Variants in RARB observed in about 807,000 individuals in gnomAD.
The protein encoded by RARB is HBV-activated protein.
A neutral mutation model predicts 51.9 loss-of-function variants in RARB; 17 were observed. The observed-to-expected ratio is 0.33, with a 90% CI of 0.22 to 0.49. RARB has a LOEUF of 0.49. Ranked by LOEUF, RARB falls within the 20% of genes least tolerant of loss-of-function variation. The pLI is 0.99. For missense variants in RARB, 369 were observed against 550.8 expected (o/e 0.67, Z 3.30); for synonymous variants, 215 against 195.4 (o/e 1.10, Z -0.84).
At chr3:25,188,240 C>CA (rs1330617847) in intron 5 of RARB, among the ~76,000 whole-genome samples, 3 of 152,062 alleles carry the variant, frequency 2.0e-5, no homozygotes, top group Non-Finnish European at 2.9e-5. Flanking sequence ...GGGACCATGA[C>CA]ATCTTGCTCA....
chr3:25,278,804 A>G (rs1003898051), intron 5 of RARB, among the ~76,000 whole-genome samples: 1 of 152,230 alleles, frequency 6.6e-6, no homozygotes, highest in Non-Finnish European at 1.5e-5. Flanking sequence ...TCTACTCAGT[A>G]ACACTACTAA....
chr3:25,589,389 A>G (rs1363151560), intron 5 of RARB, among the ~76,000 whole-genome samples: 1 of 152,328 alleles, frequency 6.6e-6, no homozygotes, highest in East Asian at 1.9e-4. Context: ...AGAAGTTTGG[A>G]TTTTATTCTG....
intron 5 of RARB, among the ~76,000 whole-genome samples, chr3:25,364,339 G>T (rs1706046341): frequency 1.3e-5 from 2 of 152,160 alleles, no homozygotes; most frequent in African/African-American, 4.8e-5. Context: ...AATGGAGGTG[G>T]TAAGCAATTT....
chr3:25,468,480 C>T (rs1695543867), intron 2 of RARB, among the ~76,000 whole-genome samples: 1 of 148,348 alleles, frequency 6.7e-6, no homozygotes, highest in South Asian at 2.1e-4. Context: ...AACAGAGGGT[C>T]CGAGTAGTTA....
At chr3:25,247,762 A>G (rs1251955584) in intron 5 of RARB, among the ~76,000 whole-genome samples, 1 of 152,212 alleles carries the variant, frequency 6.6e-6, no homozygotes, top group African/African-American at 2.4e-5. Flanking sequence ...AGCTGTTCCT[A>G]TTTGGCCATC....
intron 5 of RARB, among the ~76,000 whole-genome samples, chr3:25,366,611 T>C (rs757765730): frequency 1.3e-5 from 2 of 152,176 alleles, no homozygotes; most frequent in Non-Finnish European, 2.9e-5. Context: ...AATCAAAATA[T>C]TTTTAGCTCA....
chr3:25,089,700 A>G (rs1270546807), intron 3 of RARB, among the ~76,000 whole-genome samples: 2 of 152,176 alleles, frequency 1.3e-5, no homozygotes, highest in Non-Finnish European at 2.9e-5. Context: ...AGGTTCAGCA[A>G]TAGCAAGCCT....
chr3:25,248,418 C>T (rs322709), intron 5 of RARB, among the ~76,000 whole-genome samples: 81,895 of 151,916 alleles, frequency 0.54, 23,389 homozygotes, highest in African/African-American at 0.73. Flanking sequence ...ATTAATTGAG[C>T]TATTGTTATT....
Position 25,064,936 on chromosome 3 carries a change from A to C in RARB, c.-328+4760A>C, listed in dbSNP as rs138790011. ...AAAGAATCTGTGATGCAAATGCCCT[A>C]CACTAACCCAGCTTATGTGAGCCAC... On this transcript the variant is annotated intron_variant, in intron 3 of 11. Transcript: ENST00000383772. Among the ~76,000 whole-genome samples the C allele has an allele frequency of 3.2e-4, 49 of 152,292 alleles. No individual in the cohort carries two copies. The East Asian group carries it at 3.7e-3, about 11-fold the overall frequency.
chr3:25,347,546 T>C (rs1406715569), intron 5 of RARB, among the ~76,000 whole-genome samples: 1 of 152,226 alleles, frequency 6.6e-6, no homozygotes, highest in Non-Finnish European at 1.5e-5. Context: ...TACTTTCTTA[T>C]AAAGTTCACT....
chr3:25,159,620 G>A (rs902892197), intron 4 of RARB, among the ~76,000 whole-genome samples: 2 of 151,972 alleles, frequency 1.3e-5, no homozygotes, highest in African/African-American at 4.8e-5. Flanking sequence ...TGCACACATG[G>A]CTTCATTCAG....
At chr3:25,123,958 T>G (rs1194521171) in intron 3 of RARB, among the ~76,000 whole-genome samples, 5 of 152,180 alleles carry the variant, frequency 3.3e-5, no homozygotes, top group Admixed American at 3.3e-4. Flanking sequence ...AACCAGTCTG[T>G]GTCAAAGATA....
At chr3:25,468,587 TAGAC>T (rs1575433000) in intron 2 of RARB, among the ~76,000 whole-genome samples, 4 of 152,110 alleles carry the variant, frequency 2.6e-5, no homozygotes, top group East Asian at 3.9e-4. Flanking sequence ...CAGCCACACT[TAGAC>T]AGAAGGTCTG....
At chr3:24,832,627 CAA>C (rs34986995) in intron 1 of RARB, among the ~76,000 whole-genome samples, 39,528 of 79,350 alleles carry the variant, frequency 0.5, 6,538 homozygotes, top group South Asian at 0.59. Context: ...AATTGAGTCC[CAA>C]TATATATATA....
chr3:24,918,272 A>G (rs145708579), intron 2 of RARB, among the ~76,000 whole-genome samples: 2 of 152,340 alleles, frequency 1.3e-5, no homozygotes, highest in African/African-American at 4.8e-5. Flanking sequence ...GACTTGGTTG[A>G]ACTTCAAAAA....
At chr3:25,516,878 C>T (rs1041708943) in intron 3 of RARB, among the ~76,000 whole-genome samples, 7 of 152,176 alleles carry the variant, frequency 4.6e-5, no homozygotes, top group Non-Finnish European at 8.8e-5. Flanking sequence ...CCACACACCT[C>T]GCCCTCCCAA....
chr3:25,414,209 G>A (rs890060490), intron 5 of RARB, among the ~76,000 whole-genome samples: 16 of 152,168 alleles, frequency 1.1e-4, no homozygotes, highest in Admixed American at 1.0e-3. Context: ...CACTCAGAAT[G>A]ATTATTATGA....
At chr3:25,354,917 T>A (rs1705686982) in intron 5 of RARB, among the ~76,000 whole-genome samples, 1 of 151,318 alleles carries the variant, frequency 6.6e-6, no homozygotes, top group Admixed American at 6.6e-5. Context: ...CCATCCAGCA[T>A]AGCATAACAC....
At chr3:25,401,473 C>A (rs1316639294) in intron 5 of RARB, among the ~76,000 whole-genome samples, 2 of 152,076 alleles carry the variant, frequency 1.3e-5, no homozygotes, top group Non-Finnish European at 2.9e-5. Flanking sequence ...ATAAAACAGA[C>A]CATAGGTGAT....
Sources: allele counts gnomAD v4.1 joint callset (sites outside exome capture counted in the v4.1 genomes callset), GRCh38; gene constraint gnomAD v4.1.1; transcripts MANE v1.5; gene names NCBI Gene and HGNC (gene_info 2026-07-23, HGNC 2026-07-21).